ATP23: variants seen among roughly 807,000 people sequenced by gnomAD.
ATP23 encodes the protein ATP23 metallopeptidase and ATP synthase assembly factor homolog.
A neutral mutation model predicts 28.5 loss-of-function variants in ATP23; 24 were observed. That is an observed-to-expected ratio of 0.84 (90% CI 0.61 to 1.18). ATP23 has a LOEUF of 1.18. ATP23 is among the 50% of genes most tolerant of loss of function. The probability of loss-of-function intolerance (pLI) is 0.00; values close to 1 mark genes in which losing one functional copy is unlikely to be tolerated. For synonymous variants in ATP23, 99 were observed against 108.6 expected (o/e 0.91, Z 0.55); for missense variants, 274 against 306.4 (o/e 0.89, Z 0.79).
Position 57,951,807 on chromosome 12 carries a change from T to G in ATP23, c.365T>G (p.Val122Gly). The G allele has an allele frequency of 6.2e-7, 1 of 1,614,062 alleles. No homozygotes were observed. The highest frequency in any genetic ancestry group is 8.5e-7 in the Non-Finnish European group (1 of 1,179,974). Residue 122 changes from valine (V) to glycine (G), a missense_variant, in exon 4 of 6, where the codon GTG becomes GGG. Val to Gly is a moderately radical substitution (Grantham distance 109, BLOSUM62 -3). Coordinates refer to ENST00000300145, the MANE Select transcript of ATP23 (RefSeq NM_033276.4). ...NIHNQAHMNR[V>G]VTHELIHAFD... ...CATAATCAGGCCCATATGAACAGAG[T>G]GGTCACACACGAGCTTATTCATGCA...
Position 57,957,533 on chromosome 12 carries a change from A to G in ATP23, c.*643A>G, listed in dbSNP as rs868161944. On this transcript the variant is annotated 3_prime_UTR_variant, in exon 6 of 6. Transcript: ENST00000300145. The stretch of plus-strand genomic sequence containing the variant: ...CTCTGAAGGAAGCGACTGCTCCTAC[A>G]GTGCCCAGGAGACACCCCAAATACT... Among the ~76,000 whole-genome samples the G allele has an allele frequency of 3.9e-5, 6 of 152,232 alleles. No individual in the cohort carries two copies. Among genetic ancestry groups the G allele is most frequent in the African/African-American group, 7.2e-5 (3 of 41,464 alleles).
chr12:57,955,062 G>A (rs1186768153), intron 5 of ATP23, among the ~76,000 whole-genome samples: 1 of 151,986 alleles, frequency 6.6e-6, no homozygotes, highest in Non-Finnish European at 1.5e-5. Context: ...GGAGAGGGTG[G>A]AAGCAGGGTA....
Position 57,949,437 on chromosome 12 carries a change from C to T in ATP23, c.316-2321C>T, listed in dbSNP as rs76565011. On this transcript the variant is annotated intron_variant, in intron 3 of 5. Coordinates refer to ENST00000300145, the MANE Select transcript of ATP23 (RefSeq NM_033276.4). ...ACTCCACATTCCATATATCCAAGTG[C>T]CCATTTAACACCTCTACTTGAGCAT... Among the ~76,000 whole-genome samples the T allele has an allele frequency of 1.8e-4, 28 of 152,196 alleles. No homozygotes were observed. The East Asian group carries it at 5.4e-3, about 29-fold the overall frequency.
Position 57,945,422 on chromosome 12 carries a change from G to A in ATP23, c.188-206G>A, listed in dbSNP as rs151021076. ...TAATTTTTGTATTTTTAGTAGAGAC[G>A]GGGTTTGCCATGTTGGTCAGGCTGG... On this transcript the variant is annotated intron_variant, in intron 1 of 5. Transcript: ENST00000300145. Among the ~76,000 whole-genome samples, 83 of 152,034 alleles carry A rather than the reference G, an allele frequency of 5.5e-4. 4 individuals carry two copies. The highest frequency in any genetic ancestry group is 2.5e-3 in the East Asian group (13 of 5,166).
At position 57,941,721 on chromosome 12, in the gene ATP23, A is replaced by G. The variant is rs751940735; in HGVS notation, c.20A>G (p.Glu7Gly). ...GGAGGCATGGCGGGAGCTCCGGACG[A>G]GCGCCGGCGGGGCCCCGCGGCAGGG... MAGAPD[E>G]RRRGPAAGEQ... Residue 7 changes from glutamate (E) to glycine (G), a missense_variant, in exon 1 of 6, where the codon GAG becomes GGG. Transcript: ENST00000300145. 2 of 1,601,326 alleles carry G rather than the reference A, an allele frequency of 1.2e-6. No individual in the cohort carries two copies. The highest frequency in any genetic ancestry group is 1.1e-5 in the South Asian group (1 of 89,666).
chr12:57,944,764 T>C (rs953111830), intron 1 of ATP23, among the ~76,000 whole-genome samples: 4 of 152,246 alleles, frequency 2.6e-5, no homozygotes, highest in Admixed American at 2.6e-4. Flanking sequence ...CCTTCAATAC[T>C]TGAAAGTAGT....
At chr12:57,943,040 A>G (rs758994341) in intron 1 of ATP23, among the ~76,000 whole-genome samples, 12 of 152,190 alleles carry the variant, frequency 7.9e-5, no homozygotes, top group African/African-American at 1.7e-4. Context: ...AGATTTTCCA[A>G]CCTTCTTGGG....
At chr12:57,954,770 T>C (rs1200617687) in intron 5 of ATP23, among the ~76,000 whole-genome samples, 1 of 152,140 alleles carries the variant, frequency 6.6e-6, no homozygotes, top group Non-Finnish European at 1.5e-5. Flanking sequence ...AAGATAGGCT[T>C]AGGACAACAG....
chr12:57,946,735 C>T (rs1304983183), intron 2 of ATP23, among the ~76,000 whole-genome samples: 10 of 152,022 alleles, frequency 6.6e-5, no homozygotes, highest in Admixed American at 3.9e-4. Context: ...GGATTACAGG[C>T]GTGAGCCACC....
At chr12:57,954,851 T>C (rs1956850367) in intron 5 of ATP23, among the ~76,000 whole-genome samples, 1 of 152,186 alleles carries the variant, frequency 6.6e-6, no homozygotes, top group Admixed American at 6.5e-5. Flanking sequence ...CACAGTGAGC[T>C]ACTCAGAAAT....
intron 2 of ATP23, among the ~76,000 whole-genome samples, chr12:57,946,446 ATTTTTTTTTT>A (rs369316315): frequency 3.8e-5 from 4 of 104,034 alleles, no homozygotes; most frequent in Admixed American, 3.1e-4. Context: ...AGTTGAACAA[ATTTTTTTTTT>A]TTTTTTTTTT....
intron 1 of ATP23, 105 bp from the exon 2 acceptor site, chr12:57,945,523 C>T: frequency 1.1e-6 from 1 of 936,518 alleles, no homozygotes; most frequent in Non-Finnish European, 1.7e-6. Context: ...TGAGCCACTG[C>T]ATCTGGCCTG....
chr12:57,956,680 T>G lies in ATP23; in HGVS notation c.538-7T>G. The G allele has an allele frequency of 6.3e-7, 1 of 1,580,056 alleles. No individual in the cohort carries two copies. Among genetic ancestry groups the G allele is most frequent in the Non-Finnish European group, 8.6e-7 (1 of 1,164,950 alleles). On this transcript the variant is annotated splice_polypyrimidine_tract_variant and splice_region_variant and intron_variant, in intron 5 of 5. Transcript: ENST00000300145. Reference sequence around the variant, plus strand: ...AATTAGAGCCTCATACTTTTCCTTCTTTTTAGACTTGTGTGCGAGACAGAG... The same window carrying G: ...AATTAGAGCCTCATACTTTTCCTTCGTTTTAGACTTGTGTGCGAGACAGAG...
At chr12:57,944,059 GTT>G (rs10672119) in intron 1 of ATP23, among the ~76,000 whole-genome samples, 2 of 137,402 alleles carry the variant, frequency 1.5e-5, no homozygotes, top group African/African-American at 2.7e-5. Context: ...CTAAACCATG[GTT>G]TTTTTTTTTT....
At chr12:57,955,396 A>G (rs1256582461) in intron 5 of ATP23, among the ~76,000 whole-genome samples, 1 of 152,104 alleles carries the variant, frequency 6.6e-6, no homozygotes, top group African/African-American at 2.4e-5. Flanking sequence ...GAAAACAAAT[A>G]GAAACAGCAA....
intron 3 of ATP23, among the ~76,000 whole-genome samples, chr12:57,948,488 G>C (rs1956783478): frequency 1.3e-5 from 2 of 152,000 alleles, no homozygotes; most frequent in Admixed American, 6.6e-5. Flanking sequence ...TCACCATATT[G>C]GCCAGGCTGG....
intron 1 of ATP23, among the ~76,000 whole-genome samples, chr12:57,943,298 G>C (rs919803981): frequency 7.2e-5 from 11 of 152,146 alleles, no homozygotes; most frequent in African/African-American, 2.7e-4. Context: ...CTCAGGTGTG[G>C]AAGGTGACTT....
Position 57,942,321 on chromosome 12 carries a change from C to T in ATP23, c.187+433C>T, listed in dbSNP as rs573213183. Among the ~76,000 whole-genome samples the T allele has an allele frequency of 2.0e-5, 3 of 152,234 alleles. No homozygotes were observed. In the East Asian group the frequency reaches 5.8e-4, roughly 29 times the overall value. ...ATATAAAAGCAGTTTTGCAAACCTA[C>T]CGTTCCTTGGAAGTGGTTCATGCAT... On this transcript the variant is annotated intron_variant, in intron 1 of 5. Transcript: ENST00000300145.
chr12:57,955,708 C>T (rs1185805233), intron 5 of ATP23, among the ~76,000 whole-genome samples: 1 of 152,148 alleles, frequency 6.6e-6, no homozygotes, highest in African/African-American at 2.4e-5. Flanking sequence ...GTTTTGGCTT[C>T]ACATGGTTCT....
Sources: allele counts gnomAD v4.1 joint callset (sites outside exome capture counted in the v4.1 genomes callset), GRCh38; gene constraint gnomAD v4.1.1; transcripts MANE v1.5; gene names NCBI Gene and HGNC (gene_info 2026-07-23, HGNC 2026-07-21).